The following ZYG11A variants were observed in gnomAD, a reference collection of about 807,000 sequenced individuals.
The protein encoded by ZYG11A is zyg-11 family member A, cell cycle regulator, also known as protein zyg-11 homolog A.
A neutral mutation model predicts 77.2 loss-of-function variants in ZYG11A; 62 were observed. That is an observed-to-expected ratio of 0.80 (90% CI 0.65 to 0.99). The LOEUF is 0.99. Among genes scored for constraint, ZYG11A ranks in the 50% least tolerant of loss-of-function variants. The pLI, the probability that ZYG11A is intolerant of heterozygous loss-of-function variation, is 0.00. For synonymous variants in ZYG11A, 315 were observed against 324.6 expected, an observed-to-expected ratio of 0.97 and a Z score of 0.32; for missense variants, 828 against 896.8, an observed-to-expected ratio of 0.92 and a Z score of 0.98.
rs1645471566 is a variant in ZYG11A, at chr1:52,842,810, C to T, written c.-74C>T. 7.1e-7 allele frequency: 1 copy of T among 1,414,912 alleles called. No individual in the cohort carries two copies. Among genetic ancestry groups the T allele is most frequent in the Non-Finnish European group, 9.5e-7 (1 of 1,047,208 alleles). The allele number at this position is 1,414,912 out of a possible 1,614,324, so 87.6% of individuals were successfully genotyped here. On this transcript the variant is annotated 5_prime_UTR_variant, in exon 1 of 14. Coordinates refer to ENST00000371528, the MANE Select transcript of ZYG11A (RefSeq NM_001004339.3). The stretch of plus-strand genomic sequence containing the variant: ...TGGTGGGCGCGTCCTGGCAGCCGCC[C>T]GCTTGGTTCTCGCGGGATCCGGGCT...
chr1:52,866,289 T>C (rs2150004256), intron 5 of ZYG11A, among the ~76,000 whole-genome samples: 1 of 152,280 alleles, frequency 6.6e-6, no homozygotes. Context: ...TCCTCATTTA[T>C]TTCTACCTTA....
At chr1:52,888,127 C>T (rs1402653670) in intron 13 of ZYG11A, among the ~76,000 whole-genome samples, 1 of 152,016 alleles carries the variant, frequency 6.6e-6, no homozygotes, top group Admixed American at 6.6e-5. Flanking sequence ...TTTTAAAATG[C>T]CTTTAACAGG....
At chr1:52,847,979 C>G (rs1024470798) in intron 1 of ZYG11A, among the ~76,000 whole-genome samples, 1 of 152,162 alleles carries the variant, frequency 6.6e-6, no homozygotes, top group Non-Finnish European at 1.5e-5. Context: ...ACGCCATTCT[C>G]CTGCCCCAGC....
chr1:52,869,604 C>T (rs985186957), intron 8 of ZYG11A, among the ~76,000 whole-genome samples: 8 of 152,086 alleles, frequency 5.3e-5, no homozygotes, highest in African/African-American at 1.9e-4. Context: ...AAGGATTTTT[C>T]TTAGTACAGA....
At chr1:52,870,350 G>A (rs1023610494) in intron 8 of ZYG11A, among the ~76,000 whole-genome samples, 5 of 150,980 alleles carry the variant, frequency 3.3e-5, no homozygotes, top group South Asian at 2.1e-4. Flanking sequence ...GATGGTGGCC[G>A]GGCAGAGACG....
chr1:52,844,061 A>G (rs771400350), intron 1 of ZYG11A, among the ~76,000 whole-genome samples: 2 of 152,186 alleles, frequency 1.3e-5, no homozygotes, highest in Admixed American at 6.5e-5. Context: ...TTACCGATGT[A>G]GGGAAGTTGG....
Position 52,860,395 on chromosome 1 carries a change from T to C in ZYG11A, c.1009-336T>C, listed in dbSNP as rs555120040. Among the ~76,000 whole-genome samples, 4 of 152,188 alleles carry C rather than the reference T, an allele frequency of 2.6e-5. No individual in the cohort carries two copies. The East Asian group carries it at 7.8e-4, about 29-fold the overall frequency. On this transcript the variant is annotated intron_variant, in intron 3 of 13. Transcript: ENST00000371528. ...CTGTATATCTCTGCATTTATTTAGATCTTTACTTTCTCTCAGCATATTTTG... is the reference window on the plus strand; with the variant it reads ...CTGTATATCTCTGCATTTATTTAGACCTTTACTTTCTCTCAGCATATTTTG...
Position 52,864,099 on chromosome 1 carries a change from T to G in ZYG11A, c.1268T>G (p.Leu423Trp). ...GLAKGMPVRL[L>W]SEVTCLLFKA... ...GCCAAGGGGATGCCTGTTCGCCTGT[T>G]GTCAGAGGTCACCTGTCTACTTTTC... The change falls in exon 5 of 14, where the codon TTG becomes TGG. Residue 423 changes from leucine (L) to tryptophan (W), a missense_variant. Physicochemically the swap from Leu to Trp is moderately conservative, Grantham distance 61 (BLOSUM62 -2). Coordinates refer to ENST00000371528, the MANE Select transcript of ZYG11A (RefSeq NM_001004339.3). The G allele has an allele frequency of 6.4e-7, 1 of 1,551,996 alleles. No homozygotes were observed. Among genetic ancestry groups the G allele is most frequent in the African/African-American group, 1.4e-5 (1 of 73,196 alleles).
intron 1 of ZYG11A, among the ~76,000 whole-genome samples, chr1:52,854,102 T>G (rs1645764245): frequency 6.6e-6 from 1 of 152,108 alleles, no homozygotes; most frequent in Non-Finnish European, 1.5e-5. Context: ...ACTGTATTAG[T>G]GTTTATAAGT....
rs754781786 is a variant in ZYG11A, at chr1:52,845,040, CT to C, written c.90+2071del. ...ATCCTCTTGCCTTGGCCTCCCATATCTTTTCAATTTTTTGCTTCATGAATTT... is the reference window on the plus strand; with the variant it reads ...ATCCTCTTGCCTTGGCCTCCCATATCTTTCAATTTTTTGCTTCATGAATTT... On this transcript the variant is annotated intron_variant, in intron 1 of 13. Transcript: ENST00000371528. Among the ~76,000 whole-genome samples, 21 of 152,078 alleles carry C rather than the reference CT, an allele frequency of 1.4e-4. No individual in the cohort carries two copies. The East Asian group carries it at 2.9e-3, about 21-fold the overall frequency.
At position 52,842,823 on chromosome 1, in the gene ZYG11A, C is replaced by A; in HGVS notation, c.-61C>A. 1 of 1,477,420 alleles carries A rather than the reference C, an allele frequency of 6.8e-7. No homozygotes were observed. Among genetic ancestry groups the A allele is most frequent in the East Asian group, 2.8e-5 (1 of 35,720 alleles). The allele number at this position is 1,477,420 out of a possible 1,614,324, so 91.5% of individuals were successfully genotyped here. A position where few individuals can be genotyped will look rare whatever the true frequency, so the allele number is the denominator to read the frequency against. On this transcript the variant is annotated 5_prime_UTR_variant, in exon 1 of 14. Coordinates refer to ENST00000371528, the MANE Select transcript of ZYG11A (RefSeq NM_001004339.3). Reference sequence around the variant, plus strand: ...CTGGCAGCCGCCCGCTTGGTTCTCGCGGGATCCGGGCTCCGGCTCGACGCC... The same window carrying A: ...CTGGCAGCCGCCCGCTTGGTTCTCGAGGGATCCGGGCTCCGGCTCGACGCC...
At chr1:52,877,208 A>G (rs1646277070) in intron 8 of ZYG11A, among the ~76,000 whole-genome samples, 1 of 152,060 alleles carries the variant, frequency 6.6e-6, no homozygotes, top group Non-Finnish European at 1.5e-5. Flanking sequence ...GTTACATATT[A>G]TCTTTGTATG....
intron 8 of ZYG11A, 34 bp from the exon 9 acceptor site, chr1:52,877,648 C>G (rs1357768842): frequency 4.0e-6 from 6 of 1,516,896 alleles, no homozygotes; most frequent in Non-Finnish European, 4.4e-6. Context: ...TTCATTAGAG[C>G]ATCTAACTCC....
chr1:52,856,982 T>A lies in ZYG11A; in HGVS notation c.257-16T>A. On this transcript the variant is annotated splice_polypyrimidine_tract_variant and intron_variant, in intron 2 of 13. Transcript: ENST00000371528. ...GATCTAGTTGTCATTACAAGTTGGTTCTGGTTCTTTCATAGGCAAGCTGAC... is the reference window on the plus strand; with the variant it reads ...GATCTAGTTGTCATTACAAGTTGGTACTGGTTCTTTCATAGGCAAGCTGAC... 2 of 1,514,234 alleles carry A rather than the reference T, an allele frequency of 1.3e-6. No individual in the cohort carries two copies. The highest frequency in any genetic ancestry group is 1.8e-6 in the Non-Finnish European group (2 of 1,127,194). 93.8% of individuals were successfully genotyped at this position (1,514,234 alleles called of 1,614,324 possible).
chr1:52,892,647 C>T (rs1236630619), intron 13 of ZYG11A, 135 bp from the exon 14 acceptor site: 1 of 725,548 alleles, frequency 1.4e-6, no homozygotes. Flanking sequence ...TTAGAATTGA[C>T]TCATTTTATC....
chr1:52,869,903 AG>A (rs1557445378), intron 8 of ZYG11A, among the ~76,000 whole-genome samples: 2 of 68,798 alleles, frequency 2.9e-5, no homozygotes, highest in Non-Finnish European at 7.3e-5. Context: ...CTGGCCGGGC[AG>A]GGGGCTGACC....
intron 8 of ZYG11A, among the ~76,000 whole-genome samples, chr1:52,868,493 A>G (rs2150006439): frequency 6.6e-6 from 1 of 152,264 alleles, no homozygotes; most frequent in East Asian, 1.9e-4. Context: ...AAAAATTTAT[A>G]TCACTGGGCC....
intron 1 of ZYG11A, among the ~76,000 whole-genome samples, chr1:52,851,948 A>C: frequency 7.1e-6 from 1 of 140,340 alleles, no homozygotes; most frequent in African/African-American, 2.7e-5. Context: ...GGAGTCTTGC[A>C]CTGTCACCCG....
intron 1 of ZYG11A, among the ~76,000 whole-genome samples, chr1:52,849,018 ATTT>A (rs1304926581): frequency 6.6e-6 from 1 of 152,124 alleles, no homozygotes; most frequent in Non-Finnish European, 1.5e-5. Context: ...TGTCCTTATT[ATTT>A]TTTGTTAAAA....
Sources: allele counts gnomAD v4.1 joint callset (sites outside exome capture counted in the v4.1 genomes callset), GRCh38; gene constraint gnomAD v4.1.1; transcripts MANE v1.5; gene names NCBI Gene and HGNC (gene_info 2026-07-23, HGNC 2026-07-21).